Variants in GNAO1 observed in about 807,000 individuals in gnomAD.
GNAO1 encodes the protein guanine nucleotide-binding protein G(o) subunit alpha.
For missense variants in GNAO1, 166 were observed against 478.7 expected (o/e 0.35, Z 6.10); for synonymous variants, 164 against 180.7 (o/e 0.91, Z 0.74).
At chr16:56,236,025 T>C (rs1457989953) in intron 2 of GNAO1, among the ~76,000 whole-genome samples, 1 of 152,202 alleles carries the variant, frequency 6.6e-6, no homozygotes, top group Non-Finnish European at 1.5e-5. Context: ...CTATTTTGAC[T>C]TGGAGAAGCT....
chr16:56,250,296 T>C (rs2036788112), intron 2 of GNAO1, among the ~76,000 whole-genome samples: 2 of 152,196 alleles, frequency 1.3e-5, no homozygotes, highest in Non-Finnish European at 2.9e-5. Flanking sequence ...TTCAGACCAG[T>C]ACTTAAAAAC....
At position 56,192,497 on chromosome 16, in the gene GNAO1, A is replaced by T. The variant is rs1242623545; in HGVS notation, c.119-77A>T. 8.5e-6 allele frequency: 5 copies of T among 590,062 alleles called. No homozygotes were observed. In the African/African-American group the frequency reaches 9.3e-5, roughly 11 times the overall value. 36.6% of individuals were successfully genotyped at this position (590,062 alleles called of 1,614,324 possible). A position where few individuals can be genotyped will look rare whatever the true frequency, so the allele number is the denominator to read the frequency against. On this transcript the variant is annotated intron_variant, in intron 1 of 8. Transcript: ENST00000262493. ...TGCCCAGGATCGCCCACCCCCTCGC[A>T]TGCCTTAGTCCCCCCCTCCCCCTGT...
At chr16:56,319,557 G>A (rs1473419455) in intron 3 of GNAO1, among the ~76,000 whole-genome samples, 1 of 152,136 alleles carries the variant, frequency 6.6e-6, no homozygotes, top group Non-Finnish European at 1.5e-5. Flanking sequence ...ACCCCTACCT[G>A]CTGCGCACCA....
intron 3 of GNAO1, among the ~76,000 whole-genome samples, chr16:56,305,090 G>C (rs1182470446): frequency 2.0e-5 from 3 of 152,200 alleles, no homozygotes; most frequent in Admixed American, 6.5e-5. Flanking sequence ...CTTGAGAACA[G>C]GCTCTGGGCC....
At chr16:56,297,272 C>G (rs1567473514) in intron 3 of GNAO1, among the ~76,000 whole-genome samples, 1 of 152,238 alleles carries the variant, frequency 6.6e-6, no homozygotes, top group East Asian at 1.9e-4. Flanking sequence ...GCTCACAGAA[C>G]ACTCACGCCC....
intron 2 of GNAO1, among the ~76,000 whole-genome samples, chr16:56,228,814 C>G (rs550465466): frequency 6.6e-6 from 1 of 152,254 alleles, no homozygotes; most frequent in African/African-American, 2.4e-5. Context: ...AAATTAGCAT[C>G]CCACTGTTAC....
At chr16:56,306,300 C>G (rs1357700603) in intron 3 of GNAO1, among the ~76,000 whole-genome samples, 1 of 152,234 alleles carries the variant, frequency 6.6e-6, no homozygotes, top group African/African-American at 2.4e-5. Flanking sequence ...GGCCCACACT[C>G]TGGGAAATCC....
rs1218314800 is a variant in GNAO1 at position 56,206,324 on chromosome 16, T to A, written c.161+13708T>A. On this transcript the variant is annotated intron_variant, in intron 2 of 8. Coordinates refer to ENST00000262493, the MANE Select transcript of GNAO1 (RefSeq NM_020988.3). ...GACAGCGTGAGACTCCATCTCAATT[T>A]AAAAAAAAAAAAAAAAAAAAAGAGG... Among the ~76,000 whole-genome samples the A allele has an allele frequency of 8.6e-3, 976 of 113,176 alleles. 15 individuals are homozygous for A. The highest frequency in any genetic ancestry group is 0.03 in the African/African-American group (903 of 30,512). The allele number at this position is 113,176 out of a possible 152,430, so 74.2% of individuals were successfully genotyped here. A position where few individuals can be genotyped will look rare whatever the true frequency, so the allele number is the denominator to read the frequency against.
In GNAO1 at chr16:56,208,136, A is replaced by G. The variant is rs1016246463; in HGVS notation, c.161+15520A>G. Reference sequence around the variant, plus strand: ...CTATTTGTATCTTTTCTTCAGTATTACATTCATAATATCCCAGTTGTATGT... The same window carrying G: ...CTATTTGTATCTTTTCTTCAGTATTGCATTCATAATATCCCAGTTGTATGT... On this transcript the variant is annotated intron_variant, in intron 2 of 8. Transcript: ENST00000262493. 3.1e-4 allele frequency among the ~76,000 whole-genome samples: 47 copies of G among 152,290 alleles called. 1 individual carries two copies. The highest frequency in any genetic ancestry group is 1.1e-3 in the African/African-American group (44 of 41,552).
intron 6 of GNAO1, chr16:56,340,931 T>C (rs1365625924): frequency 1.9e-6 from 3 of 1,613,720 alleles, no homozygotes; most frequent in Non-Finnish European, 2.5e-6. Context: ...AAGAAGGACA[T>C]ATTTGAAGAG....
rs368348307 is a variant in GNAO1, at chr16:56,236,046, T to A, written c.162-39885T>A. 2.1e-3 allele frequency among the ~76,000 whole-genome samples: 313 copies of A among 152,272 alleles called. 11 individuals carry two copies. The South Asian group carries it at 0.062, about 30-fold the overall frequency. On this transcript the variant is annotated intron_variant, in intron 2 of 8. Coordinates refer to ENST00000262493, the MANE Select transcript of GNAO1 (RefSeq NM_020988.3). Reference sequence around the variant, plus strand: ...TGACTTGGAGAAGCTGGGTACCAGGTCTCCACTCAAGTTCAGGCAGTCATT... The same window carrying A: ...TGACTTGGAGAAGCTGGGTACCAGGACTCCACTCAAGTTCAGGCAGTCATT...
At chr16:56,336,515 C>T (rs1481252633) in intron 5 of GNAO1, 1 of 510,606 alleles carries the variant, frequency 2.0e-6, no homozygotes, top group Non-Finnish European at 3.5e-6. Flanking sequence ...TGAGCACAGC[C>T]AGTCCCAGGA....
At chr16:56,307,436 A>G (rs1270975804) in intron 3 of GNAO1, 2 of 152,190 alleles carry the variant, frequency 1.3e-5, no homozygotes, top group Non-Finnish European at 2.9e-5. Context: ...AGCTTCACTC[A>G]GCAGATTTTG....
chr16:56,205,281 T>A (rs1411578180), intron 2 of GNAO1, among the ~76,000 whole-genome samples: 1 of 152,056 alleles, frequency 6.6e-6, no homozygotes, highest in African/African-American at 2.4e-5. Flanking sequence ...ACTCCTGGGG[T>A]CCCTCTCTGA....
chr16:56,261,742 G>A (rs2036905734), intron 2 of GNAO1, among the ~76,000 whole-genome samples: 2 of 152,168 alleles, frequency 1.3e-5, no homozygotes, highest in African/African-American at 4.8e-5. Flanking sequence ...GATGGGGGCA[G>A]CTGCTGTCCT....
chr16:56,304,916 G>A (rs2143592559), intron 3 of GNAO1, among the ~76,000 whole-genome samples: 1 of 152,352 alleles, frequency 6.6e-6, no homozygotes, highest in East Asian at 1.9e-4. Context: ...CACCTCCACT[G>A]GAGTGCATCA....
intron 2 of GNAO1, among the ~76,000 whole-genome samples, chr16:56,228,384 A>AGT (rs1234105883): frequency 2.0e-5 from 3 of 151,222 alleles, no homozygotes; most frequent in Admixed American, 6.6e-5. Flanking sequence ...TATATACGTG[A>AGT]GTGTGTGTGT....
chr16:56,349,272 T>C (rs1022837416), intron 6 of GNAO1, among the ~76,000 whole-genome samples: 1 of 152,164 alleles, frequency 6.6e-6, no homozygotes, highest in South Asian at 2.1e-4. Flanking sequence ...AGATGTGCAG[T>C]GGAGGAGGGA....
At chr16:56,334,231 G>A (rs1048995692) in intron 4 of GNAO1, among the ~76,000 whole-genome samples, 3 of 152,216 alleles carry the variant, frequency 2.0e-5, no homozygotes, top group Admixed American at 2.0e-4. Flanking sequence ...CTGCTCAGGG[G>A]CCGCTGAAGC....
Sources: gnomAD v4.1 joint callset for allele counts (sites outside exome capture counted in the v4.1 genomes callset) on GRCh38, gnomAD v4.1.1 for gene constraint, MANE v1.5 for transcripts, NCBI Gene and HGNC (gene_info 2026-07-23, HGNC 2026-07-21) for gene names.